Variants in PARD3 observed in about 807,000 individuals in gnomAD.
The protein encoded by PARD3 is par-3 family cell polarity regulator.
In PARD3, 75 loss-of-function variants were observed where a neutral mutation model predicts 155.4. That is an observed-to-expected ratio of 0.48 (90% CI 0.40 to 0.58). The LOEUF is 0.58. PARD3 is among the 20% of genes least tolerant of loss of function. The probability of loss-of-function intolerance (pLI) is 0.00; values close to 1 mark genes in which losing one functional copy is unlikely to be tolerated. For missense variants in PARD3, 1,642 were observed against 1,721.7 expected (o/e 0.95, Z 0.82); for synonymous variants, 576 against 610.5 (o/e 0.94, Z 0.83).
At chr10:34,400,629 A>G (rs1316239960) in intron 6 of PARD3, among the ~76,000 whole-genome samples, 1 of 152,150 alleles carries the variant, frequency 6.6e-6, no homozygotes, top group African/African-American at 2.4e-5. Context: ...TATGTGATGG[A>G]AAATGCCAAT....
intron 1 of PARD3, among the ~76,000 whole-genome samples, chr10:34,807,939 C>T (rs1843609486): frequency 6.6e-6 from 1 of 152,198 alleles, no homozygotes; most frequent in African/African-American, 2.4e-5. Context: ...CAGACCTATA[C>T]ACGAAAGTTA....
Position 34,429,575 on chromosome 10 carries a change from T to C in PARD3, c.714+20742A>G, listed in dbSNP as rs543959883. Among the ~76,000 whole-genome samples the C allele has an allele frequency of 7.9e-5, 12 of 151,076 alleles. 1 individual carries two copies. The highest frequency in any genetic ancestry group is 2.7e-4 in the African/African-American group (11 of 40,960). ...CTCAGTTTTGTTTTGTTTTGTTTTGTTTTGTTTTGTTTTGTTTTGTTTTGT... is the reference window on the plus strand; with the variant it reads ...CTCAGTTTTGTTTTGTTTTGTTTTGCTTTGTTTTGTTTTGTTTTGTTTTGT... On this transcript the variant is annotated intron_variant, in intron 5 of 24. Coordinates refer to ENST00000374788, the MANE Select transcript of PARD3 (RefSeq NM_001184785.2).
chr10:34,427,524 G>A (rs551281433), intron 5 of PARD3, among the ~76,000 whole-genome samples: 12 of 152,222 alleles, frequency 7.9e-5, no homozygotes, highest in African/African-American at 2.2e-4. Flanking sequence ...CATGCACAGC[G>A]GGACATGGAA....
intron 5 of PARD3, among the ~76,000 whole-genome samples, chr10:34,418,196 G>A (rs759080223): frequency 1.6e-4 from 24 of 152,072 alleles, no homozygotes; most frequent in Non-Finnish European, 2.8e-4. Context: ...TACTGTTTGA[G>A]GCGTGGTCTT....
chr10:34,378,477 A>T (rs1841480078), intron 9 of PARD3, among the ~76,000 whole-genome samples: 1 of 152,220 alleles, frequency 6.6e-6, no homozygotes, highest in African/African-American at 2.4e-5. Context: ...AAACTCAAGT[A>T]TTATTGTGCA....
chr10:34,436,848 T>A (rs1332632425), intron 5 of PARD3, among the ~76,000 whole-genome samples: 1 of 151,990 alleles, frequency 6.6e-6, no homozygotes, highest in African/African-American at 2.4e-5. Flanking sequence ...ACTGTAGTAG[T>A]ATTTATATAA....
At chr10:34,174,775 A>C (rs574602106) in intron 22 of PARD3, among the ~76,000 whole-genome samples, 180 of 152,372 alleles carry the variant, frequency 1.2e-3, no homozygotes, top group African/African-American at 4.3e-3. Flanking sequence ...CCTTAAAATA[A>C]ATGTATACTA....
rs555931800 is a variant in PARD3 at position 34,137,879 on chromosome 10, T to C, written c.3420-6296A>G. Among the ~76,000 whole-genome samples the C allele has an allele frequency of 1.3e-3, 201 of 152,324 alleles. 1 individual carries two copies. Among genetic ancestry groups the C allele is most frequent in the Non-Finnish European group, 2.4e-3 (164 of 68,034 alleles). On this transcript the variant is annotated intron_variant, in intron 22 of 24. Coordinates refer to ENST00000374788, the MANE Select transcript of PARD3 (RefSeq NM_001184785.2). ...GGCCACTAGGTTAGGCAATTTGCTA[T>C]GTGACAGCACTGCAGCAATAAACGT...
intron 24 of PARD3, among the ~76,000 whole-genome samples, chr10:34,114,596 C>T (rs989368077): frequency 2.0e-5 from 3 of 152,170 alleles, no homozygotes; most frequent in Non-Finnish European, 4.4e-5. Flanking sequence ...CTGCCGACCT[C>T]AGCCTCCCAT....
At position 34,374,837 on chromosome 10, in the gene PARD3, A is replaced by G. The variant is rs772871713; in HGVS notation, c.1668+37T>C. 21 of 1,604,556 alleles carry G rather than the reference A, an allele frequency of 1.3e-5. 1 individual carries two copies. In the South Asian group the frequency reaches 1.9e-4, roughly 14 times the overall value. ...ACTAACCCAGACCCCTGGCTGCTGC[A>G]TATCAGAAATCTTTCATCTACTCTA... On this transcript the variant is annotated intron_variant, in intron 11 of 24. Transcript: ENST00000374788.
intron 2 of PARD3, among the ~76,000 whole-genome samples, chr10:34,670,394 T>C (rs1292098000): frequency 1.3e-5 from 2 of 152,256 alleles, no homozygotes; most frequent in South Asian, 2.1e-4. Flanking sequence ...ACAGGGCATA[T>C]GCTCAAATGC....
intron 2 of PARD3, among the ~76,000 whole-genome samples, chr10:34,672,470 CA>C (rs1246787345): frequency 1.3e-5 from 2 of 152,186 alleles, no homozygotes; most frequent in African/African-American, 4.8e-5. Flanking sequence ...TAACAGTTCT[CA>C]ATATGTACCG....
chr10:34,208,654 G>A (rs1048263567), intron 22 of PARD3, among the ~76,000 whole-genome samples: 1 of 152,152 alleles, frequency 6.6e-6, no homozygotes, highest in Non-Finnish European at 1.5e-5. Flanking sequence ...GTGACCCAAC[G>A]GTCCCCTAGA....
chr10:34,511,665 T>G (rs1361250372), intron 3 of PARD3, among the ~76,000 whole-genome samples: 2 of 152,226 alleles, frequency 1.3e-5, no homozygotes, highest in African/African-American at 4.8e-5. Flanking sequence ...TACAAAGTGA[T>G]TTCCTCTTCA....
intron 2 of PARD3, among the ~76,000 whole-genome samples, chr10:34,667,521 A>C (rs1159025992): frequency 2.0e-5 from 3 of 152,230 alleles, no homozygotes; most frequent in Non-Finnish European, 4.4e-5. Context: ...TCATCACTGA[A>C]CCATAAAAAC....
At chr10:34,401,761 T>C (rs1843906566) in intron 6 of PARD3, 65 bp downstream of exon 6, 1 of 992,542 alleles carries the variant, frequency 1.0e-6, no homozygotes, top group Non-Finnish European at 1.6e-6. Flanking sequence ...GCTTTCAGAA[T>C]ACTTGCTGCA....
At position 34,375,139 on chromosome 10, in the gene PARD3, G is replaced by A. The variant is rs907040931; in HGVS notation, c.1540-137C>T. The stretch of plus-strand genomic sequence containing the variant: ...TGCTATGGAACATAACTCATTTCAT[G>A]CACAATTCTGCCATGATCTGGGAAC... On this transcript the variant is annotated intron_variant, in intron 10 of 24. Coordinates refer to ENST00000374788, the MANE Select transcript of PARD3 (RefSeq NM_001184785.2). 9.3e-6 allele frequency: 6 copies of A among 648,462 alleles called. No individual in the cohort carries two copies. In the African/African-American group the frequency reaches 1.1e-4, roughly 12 times the overall value. The allele number at this position is 648,462 out of a possible 1,614,324, so 40.2% of individuals were successfully genotyped here.
chr10:34,145,207 ATATATATATATATATTT>A (rs1319566584), intron 22 of PARD3, among the ~76,000 whole-genome samples: 63 of 63,072 alleles, frequency 1.0e-3, no homozygotes, highest in African/African-American at 4.9e-3. Flanking sequence ...ATATATATAT[ATATATATATATATATTT>A]TTTTTTTTTT....
chr10:34,376,750 T>C lies in PARD3; in HGVS notation c.1539+1217A>G, dbSNP rs59841756. Among the ~76,000 whole-genome samples the C allele has an allele frequency of 7.6e-3, 1,150 of 152,116 alleles. 13 individuals are homozygous for C. The highest frequency in any genetic ancestry group is 0.026 in the African/African-American group (1,095 of 41,424). Reference sequence around the variant, plus strand: ...CCTCCCCTACTTTACAAAAATTCTTTAGGAGAACTCAATCTGGAGAGATAG... The same window carrying C: ...CCTCCCCTACTTTACAAAAATTCTTCAGGAGAACTCAATCTGGAGAGATAG... On this transcript the variant is annotated intron_variant, in intron 10 of 24. Transcript: ENST00000374788.
Sources: allele counts gnomAD v4.1 joint callset (sites outside exome capture counted in the v4.1 genomes callset), GRCh38; gene constraint gnomAD v4.1.1; transcripts MANE v1.5; gene names NCBI Gene and HGNC (gene_info 2026-07-23, HGNC 2026-07-21).